Variants in PHACTR1 observed in about 807,000 individuals in gnomAD.
PHACTR1 encodes RPEL repeat containing 1.
Under a neutral mutation model 69.2 loss-of-function variants are expected in PHACTR1, and 16 were observed. The ratio of observed to expected loss-of-function variants is 0.23; its 90% CI spans 0.16 to 0.35. The LOEUF (loss-of-function observed/expected upper bound fraction) is 0.35, where lower values mean the gene tolerates loss of function less well. Ranked by LOEUF, PHACTR1 falls within the 10% of genes least tolerant of loss-of-function variation. The probability of loss-of-function intolerance (pLI) is 1.00; values close to 1 mark genes in which losing one functional copy is unlikely to be tolerated. For synonymous variants in PHACTR1, 312 were observed against 284.5 expected, an observed-to-expected ratio of 1.10 and a Z score of -0.97; for missense variants, 510 against 734.7, an observed-to-expected ratio of 0.69 and a Z score of 3.54.
At chr6:13,201,275 G>A (rs1239458827) in intron 7 of PHACTR1, among the ~76,000 whole-genome samples, 1 of 152,236 alleles carries the variant, frequency 6.6e-6, no homozygotes, top group African/African-American at 2.4e-5. Context: ...GCTGCCAGAG[G>A]AAAGCGGGTC....
intron 4 of PHACTR1, among the ~76,000 whole-genome samples, chr6:12,986,812 C>T (rs1466924793): frequency 2.0e-5 from 3 of 152,076 alleles, no homozygotes; most frequent in African/African-American, 4.8e-5. Context: ...CATCAGTATG[C>T]TTATCAGAGA....
At chr6:13,034,641 T>C (rs977690899) in intron 4 of PHACTR1, among the ~76,000 whole-genome samples, 2 of 152,192 alleles carry the variant, frequency 1.3e-5, no homozygotes, top group African/African-American at 2.4e-5. Flanking sequence ...CTGAGTGTTA[T>C]AGAGAGGACT....
intron 5 of PHACTR1, among the ~76,000 whole-genome samples, chr6:13,128,708 A>G (rs1247993218): frequency 6.6e-6 from 1 of 152,168 alleles, no homozygotes; most frequent in Non-Finnish European, 1.5e-5. Flanking sequence ...AGAGAAATCT[A>G]AAAGTCTGGA....
chr6:13,081,177 G>T (rs1811316143), intron 5 of PHACTR1, among the ~76,000 whole-genome samples: 1 of 152,122 alleles, frequency 6.6e-6, no homozygotes. Context: ...TTTGAGCAGG[G>T]CTCTGCCAGT....
At chr6:13,225,431 G>A (rs1207738865) in intron 8 of PHACTR1, among the ~76,000 whole-genome samples, 2 of 152,118 alleles carry the variant, frequency 1.3e-5, no homozygotes, top group Non-Finnish European at 2.9e-5. Context: ...CCAGTAGCAT[G>A]GTACCTGGTA....
intron 4 of PHACTR1, among the ~76,000 whole-genome samples, chr6:12,986,901 G>A (rs1796252939): frequency 6.6e-6 from 1 of 152,188 alleles, no homozygotes; most frequent in Admixed American, 6.5e-5. Context: ...GGTTTGCTAA[G>A]AAATGCACCT....
intron 7 of PHACTR1, among the ~76,000 whole-genome samples, chr6:13,195,760 A>AAAAAAAAAAAAAAAAAAAAAAAAAAAAAC (rs1764295674): frequency 8.4e-6 from 1 of 118,530 alleles, no homozygotes; most frequent in Non-Finnish European, 1.7e-5. Context: ...ACCGTCTCAA[A>AAAAAAAAAAAAAAAAAAAAAAAAAAAAAC]AAAAAAAAAA....
intron 5 of PHACTR1, among the ~76,000 whole-genome samples, chr6:13,062,018 A>G (rs746751189): frequency 1.3e-5 from 2 of 152,150 alleles, no homozygotes; most frequent in Non-Finnish European, 2.9e-5. Flanking sequence ...TTCATCTTCC[A>G]TGCAGTTGGG....
intron 10 of PHACTR1, among the ~76,000 whole-genome samples, chr6:13,239,222 C>A (rs1347898427): frequency 6.6e-6 from 1 of 152,180 alleles, no homozygotes; most frequent in East Asian, 1.9e-4. Flanking sequence ...AAGGAAGACG[C>A]CAGTCACCAA....
intron 5 of PHACTR1, among the ~76,000 whole-genome samples, chr6:13,137,345 G>A (rs1362094143): frequency 6.6e-6 from 1 of 152,138 alleles, no homozygotes; most frequent in Non-Finnish European, 1.5e-5. Context: ...GATGTACCTA[G>A]GCATTGAGTT....
At chr6:12,833,539 G>A (rs1286657383) in intron 4 of PHACTR1, among the ~76,000 whole-genome samples, 4 of 152,090 alleles carry the variant, frequency 2.6e-5, no homozygotes, top group Non-Finnish European at 4.4e-5. Context: ...GATTACAGAC[G>A]TGAGCCACTG....
chr6:12,757,508 A>G (rs1338130051), intron 4 of PHACTR1, among the ~76,000 whole-genome samples: 1 of 152,202 alleles, frequency 6.6e-6, no homozygotes, highest in Non-Finnish European at 1.5e-5. Flanking sequence ...AGAACAGACT[A>G]GAGAGGGGCA....
chr6:12,726,247 C>T (rs924662092), intron 3 of PHACTR1, among the ~76,000 whole-genome samples: 1 of 152,032 alleles, frequency 6.6e-6, no homozygotes, highest in Non-Finnish European at 1.5e-5. Context: ...CTGAAAAGGG[C>T]TTTTTGATAT....
intron 4 of PHACTR1, among the ~76,000 whole-genome samples, chr6:12,992,619 A>G (rs1459053880): frequency 2.6e-5 from 4 of 152,158 alleles, no homozygotes; most frequent in Non-Finnish European, 5.9e-5. Flanking sequence ...TCATTTACCA[A>G]ATATTGAAGC....
At chr6:12,850,927 A>G (rs1245876592) in intron 4 of PHACTR1, among the ~76,000 whole-genome samples, 3 of 152,194 alleles carry the variant, frequency 2.0e-5, no homozygotes, top group Non-Finnish European at 4.4e-5. Flanking sequence ...CTGTTTCCAA[A>G]TAAGATCACA....
intron 5 of PHACTR1, among the ~76,000 whole-genome samples, chr6:13,133,908 G>A (rs1344751461): frequency 9.3e-5 from 14 of 149,872 alleles, no homozygotes; most frequent in African/African-American, 1.5e-4. Flanking sequence ...CTGCCCGGCC[G>A]CCCATCGTCT....
chr6:13,100,803 G>A (rs1039701288), intron 5 of PHACTR1, among the ~76,000 whole-genome samples: 4 of 152,160 alleles, frequency 2.6e-5, no homozygotes, highest in African/African-American at 4.8e-5. Flanking sequence ...TATCTCCTCA[G>A]TTACTTAAGG....
intron 10 of PHACTR1, among the ~76,000 whole-genome samples, chr6:13,239,382 C>T (rs12525681): frequency 0.13 from 20,073 of 152,182 alleles, 1,880 homozygotes; most frequent in Admixed American, 0.24. Flanking sequence ...GAACTCACTG[C>T]ACGCAATAGA....
intron 3 of PHACTR1, among the ~76,000 whole-genome samples, chr6:12,724,070 G>A (rs531987877): frequency 6.6e-6 from 1 of 152,308 alleles, no homozygotes; most frequent in Non-Finnish European, 1.5e-5. Context: ...GCTCACACCT[G>A]TAATCCCAGC....
Sources: allele counts gnomAD v4.1 joint callset (sites outside exome capture counted in the v4.1 genomes callset), GRCh38; gene constraint gnomAD v4.1.1; transcripts MANE v1.5; gene names NCBI Gene and HGNC (gene_info 2026-07-23, HGNC 2026-07-21).